DNAH9: variants seen among roughly 807,000 people sequenced by gnomAD.
The protein encoded by DNAH9 is DNAH9 variant protein.
In DNAH9, 345 loss-of-function variants were observed where a neutral mutation model predicts 471.6. The observed-to-expected ratio is 0.73, with a 90% CI of 0.67 to 0.80. The LOEUF (loss-of-function observed/expected upper bound fraction) is 0.80, where lower values mean the gene tolerates loss of function less well. Among genes scored for constraint, DNAH9 ranks in the 30% least tolerant of loss-of-function variants. The pLI is 0.00. For synonymous variants in DNAH9, 2,093 were observed against 2,123.6 expected (o/e 0.99, Z 0.40); for missense variants, 5,407 against 5,609.2 (o/e 0.96, Z 1.15).
At chr17:11,936,637 G>A (rs572978828) in intron 65 of DNAH9, among the ~76,000 whole-genome samples, 2 of 152,138 alleles carry the variant, frequency 1.3e-5, no homozygotes, top group African/African-American at 4.8e-5. Flanking sequence ...GTGAGAGCCT[G>A]TCTCACACAC....
rs1336894856 is a variant in DNAH9 at position 11,881,347 on chromosome 17, T to A, written c.10740T>A (p.Asp3580Glu). The part of the protein sequence containing the change: ...ATLINFTVTR[D>E]GLEDQLLAAV... ...TGATCAACTTCACCGTGACCAGGGA[T>A]GGCCTGGAGGACCAGTTGCTGGCCG... Residue 3580 changes from aspartate (D) to glutamate (E), a missense_variant, in exon 55 of 69, where the codon GAT (aspartate) becomes GAA (glutamate). Physicochemically the swap from Asp to Glu is conservative, Grantham distance 45. Transcript: ENST00000262442. The A allele has an allele frequency of 1.2e-6, 2 of 1,614,116 alleles. No individual in the cohort carries two copies. The highest frequency in any genetic ancestry group is 1.7e-4 in the Middle Eastern group (1 of 6,046).
intron 30 of DNAH9, 127 bp from the exon 31 acceptor site, chr17:11,744,670 C>T: frequency 1.3e-6 from 1 of 787,082 alleles, no homozygotes; most frequent in Non-Finnish European, 2.0e-6. Context: ...TAAGTCATCC[C>T]TTCCCACGTC....
intron 10 of DNAH9, among the ~76,000 whole-genome samples, chr17:11,642,624 G>A (rs746678437): frequency 5.3e-5 from 8 of 152,218 alleles, no homozygotes; most frequent in Non-Finnish European, 1.5e-5. Context: ...TCCTCACCAT[G>A]AAGTGACATG....
chr17:11,893,196 T>A (rs113202542), intron 58 of DNAH9, among the ~76,000 whole-genome samples: 2,389 of 55,236 alleles, frequency 0.043, 25 homozygotes, highest in Middle Eastern at 0.088. Context: ...AAAAAAAAAA[T>A]GTGGGCCCCA....
At position 11,626,862 on chromosome 17, in the gene DNAH9, G is replaced by A. The variant is rs1306459368; in HGVS notation, c.1351-2555G>A. 1.3e-5 allele frequency among the ~76,000 whole-genome samples: 2 copies of A among 151,886 alleles called. No homozygotes were observed. Among genetic ancestry groups the A allele is most frequent in the African/African-American group, 4.8e-5 (2 of 41,330 alleles). ...TGCTTTTTTTTCTGGAAGTATTATAGGCAAGTCAAAGAACAAACAGCATAC... is the reference window on the plus strand; with the variant it reads ...TGCTTTTTTTTCTGGAAGTATTATAAGCAAGTCAAAGAACAAACAGCATAC... On this transcript the variant is annotated intron_variant, in intron 6 of 68. Transcript: ENST00000262442. This position sits in a 1 kb window ranked among gnomAD's most constrained non-coding sequence, Gnocchi z 4.3.
At chr17:11,928,788 G>C (rs1198113813) in intron 62 of DNAH9, among the ~76,000 whole-genome samples, 2 of 152,200 alleles carry the variant, frequency 1.3e-5, no homozygotes, top group Non-Finnish European at 2.9e-5. Flanking sequence ...TAGCTAGAAA[G>C]AGTTTAAATC....
At chr17:11,729,712 G>A (rs1312089200) in intron 28 of DNAH9, among the ~76,000 whole-genome samples, 1 of 152,192 alleles carries the variant, frequency 6.6e-6, no homozygotes, top group Non-Finnish European at 1.5e-5. Context: ...TCCCTGGCGG[G>A]GAAAGATGAC....
Position 11,871,683 on chromosome 17 carries a change from T to C in DNAH9, c.10139T>C (p.Ile3380Thr). ...CAGGAAAGGACGTTATGTGGAGACA[T>C]TTTACTTATAACGGCTTTCATTTCC... is the stretch of plus-strand genomic sequence containing the variant. Reference protein sequence around the residue: ...KQQERTLCGDILLITAFISYL... With the variant: ...KQQERTLCGDTLLITAFISYL... The change falls in exon 52 of 69, where the codon ATT (isoleucine) becomes ACT (threonine). Residue 3380 changes from isoleucine to threonine, a missense_variant. This residue lies in a region of DNAH9 where 4,636 missense variants were observed against 4,900.3 expected (regional missense o/e 0.95). Coordinates refer to ENST00000262442, the MANE Select transcript of DNAH9 (RefSeq NM_001372.4). 1 of 1,614,194 alleles carries C rather than the reference T, an allele frequency of 6.2e-7. No individual in the cohort carries two copies. The highest frequency in any genetic ancestry group is 1.6e-4 in the Middle Eastern group (1 of 6,062).
intron 41 of DNAH9, 144 bp downstream of exon 41, chr17:11,784,683 C>A: frequency 1.7e-6 from 2 of 1,191,188 alleles, no homozygotes; most frequent in Admixed American, 2.0e-5. Context: ...TAAGCAGGTA[C>A]ACACAGTGCC....
At chr17:11,760,288 G>T (rs982181228) in intron 35 of DNAH9, among the ~76,000 whole-genome samples, 1 of 152,080 alleles carries the variant, frequency 6.6e-6, no homozygotes, top group African/African-American at 2.4e-5. Flanking sequence ...TGAGACACTT[G>T]TCCCATATAT....
In DNAH9 at chr17:11,705,157, C is replaced by T. The variant is rs759051076; in HGVS notation, c.5524C>T (p.Arg1842Cys). ...CTATGAGTACCTGGGAAACACACCT[C>T]GCTTGGTGATCACACCTTTGACTGA... ...YSYEYLGNTP[R>C]LVITPLTDRC... Residue 1842 changes from arginine (R) to cysteine (C), a missense_variant, in exon 26 of 69, where the codon CGC (arginine) becomes TGC (cysteine). By Grantham distance (180) the Arg-to-Cys change is radical. Transcript: ENST00000262442. The T allele has an allele frequency of 1.6e-5, 26 of 1,614,178 alleles. No individual in the cohort carries two copies. Among genetic ancestry groups the T allele is most frequent in the Admixed American group, 5.0e-5 (3 of 60,030 alleles).
At chr17:11,736,855 G>C (rs966413237) in intron 28 of DNAH9, among the ~76,000 whole-genome samples, 1 of 152,246 alleles carries the variant, frequency 6.6e-6, no homozygotes, top group African/African-American at 2.4e-5. Flanking sequence ...TCCCAGGCTC[G>C]TGCCTTAGTC....
At chr17:11,902,227 C>G (rs1452633162) in intron 59 of DNAH9, among the ~76,000 whole-genome samples, 1 of 152,170 alleles carries the variant, frequency 6.6e-6, no homozygotes, top group Non-Finnish European at 1.5e-5. Flanking sequence ...TACATTTGGA[C>G]TGAATCCTCA....
intron 1 of DNAH9, among the ~76,000 whole-genome samples, chr17:11,605,281 C>T (rs2072476799): frequency 6.6e-6 from 1 of 152,176 alleles, no homozygotes; most frequent in African/African-American, 2.4e-5. Context: ...CTCCTGATTC[C>T]CTTCACATGC....
chr17:11,840,438 A>AAACTAAATG (rs1353615271), intron 49 of DNAH9, among the ~76,000 whole-genome samples: 1 of 152,106 alleles, frequency 6.6e-6, no homozygotes, highest in Non-Finnish European at 1.5e-5. Flanking sequence ...CATTTAGTTT[A>AAACTAAATG]CTTTTTTCAA....
At chr17:11,758,276 A>C (rs1218765646) in intron 35 of DNAH9, among the ~76,000 whole-genome samples, 1 of 152,036 alleles carries the variant, frequency 6.6e-6, no homozygotes, top group Non-Finnish European at 1.5e-5. Flanking sequence ...GAGGTTAATC[A>C]CTCTTGACCA....
chr17:11,926,819 T>C (rs1039669501), intron 62 of DNAH9, among the ~76,000 whole-genome samples: 1 of 152,230 alleles, frequency 6.6e-6, no homozygotes, highest in African/African-American at 2.4e-5. Flanking sequence ...TCTGTATCTT[T>C]GAGGAATTGC....
In DNAH9 at chr17:11,647,202, A is replaced by G. The variant is rs775769377; in HGVS notation, c.2097+4A>G. Reference sequence around the variant, plus strand: ...CACTATCAACTTTAACCCACAGGTCAGTTGGCTGACAGTAGCTCTCTTTTG... The same window carrying G: ...CACTATCAACTTTAACCCACAGGTCGGTTGGCTGACAGTAGCTCTCTTTTG... On this transcript the variant is annotated splice_donor_region_variant and intron_variant, in intron 12 of 68. Transcript: ENST00000262442. 3.7e-6 allele frequency: 6 copies of G among 1,613,604 alleles called. No individual in the cohort carries two copies. The African/African-American group carries it at 6.7e-5, about 18-fold the overall frequency.
intron 49 of DNAH9, among the ~76,000 whole-genome samples, chr17:11,844,984 CT>C (rs553196445): frequency 1.3e-4 from 20 of 149,900 alleles, no homozygotes; most frequent in African/African-American, 4.7e-4. Context: ...CCTTTGTCCA[CT>C]TTTTTTTTAC....
Sources: allele counts gnomAD v4.1 joint callset (sites outside exome capture counted in the v4.1 genomes callset), GRCh38; gene constraint gnomAD v4.1.1; regional missense constraint gnomAD v4.1.1; non-coding constraint Gnocchi (gnomAD v3.1); transcripts MANE v1.5; gene names NCBI Gene and HGNC (gene_info 2026-07-23, HGNC 2026-07-21).